Variants in CADPS2 observed in about 807,000 individuals in gnomAD.
The protein encoded by CADPS2 is calcium dependent secretion activator 2, also known as calcium-dependent secretion activator 2.
A neutral mutation model predicts 172.5 loss-of-function variants in CADPS2; 93 were observed. That is an observed-to-expected ratio of 0.54 (90% confidence interval 0.46 to 0.64). CADPS2 has a LOEUF of 0.64. Among genes scored for constraint, CADPS2 ranks in the 30% least tolerant of loss-of-function variants. The pLI is 0.00. For missense variants in CADPS2, 1,420 were observed against 1,565.9 expected, an observed-to-expected ratio of 0.91 and a Z score of 1.57; for synonymous variants, 546 against 555.2, an observed-to-expected ratio of 0.98 and a Z score of 0.23.
At chr7:122,830,249 C>T (rs1185278925) in intron 1 of CADPS2, among the ~76,000 whole-genome samples, 1 of 152,004 alleles carries the variant, frequency 6.6e-6, no homozygotes, top group Non-Finnish European at 1.5e-5. Flanking sequence ...TGTCTGGCTG[C>T]AAGATAAAAA....
At chr7:122,371,164 G>A (rs967456076) in intron 25 of CADPS2, among the ~76,000 whole-genome samples, 4 of 152,120 alleles carry the variant, frequency 2.6e-5, no homozygotes, top group African/African-American at 9.7e-5. Flanking sequence ...AGGGAATAAG[G>A]AATGCCTACA....
intron 1 of CADPS2, among the ~76,000 whole-genome samples, chr7:122,807,039 A>G (rs532575152): frequency 6.6e-6 from 1 of 152,328 alleles, no homozygotes; most frequent in East Asian, 1.9e-4. Flanking sequence ...GGGATACTGT[A>G]AGGACAGAGC....
intron 6 of CADPS2, among the ~76,000 whole-genome samples, chr7:122,611,155 A>T (rs1039418803): frequency 6.6e-6 from 1 of 152,128 alleles, no homozygotes; most frequent in Non-Finnish European, 1.5e-5. Flanking sequence ...CACCTAACAC[A>T]CTGTAAAAAT....
rs770513017 is a variant in CADPS2, at chr7:122,621,604, T to A, written c.981A>T (p.Lys327Asn). The change falls in exon 5 of 30, where the codon AAA becomes AAT. Residue 327 changes from lysine (K) to asparagine (N), a missense_variant. Coordinates refer to ENST00000449022, the MANE Select transcript of CADPS2 (RefSeq NM_017954.11). ...TTTGTAATTTAAATTCCGGACCACC[T>A]TTCGAAACTGGAAGACTTTCCAAAT... ...MANLESLPVS[K>N]GGPEFKLQKL... 1.9e-6 allele frequency: 3 copies of A among 1,613,826 alleles called. No homozygotes were observed. In the South Asian group the frequency reaches 3.3e-5, roughly 18 times the overall value.
Position 122,451,390 on chromosome 7 carries a change from GA to G in CADPS2, c.2271del (p.Gln758ArgfsTer2). 2 of 1,521,690 alleles carry G rather than the reference GA, an allele frequency of 1.3e-6. No individual in the cohort carries two copies. Among genetic ancestry groups the G allele is most frequent in the Non-Finnish European group, 1.8e-6 (2 of 1,126,194 alleles). The allele number at this position is 1,521,690 out of a possible 1,614,324, so 94.3% of individuals were successfully genotyped here. Reference sequence around the variant, plus strand: ...AATATATACCTGAAATGGCTTATCTGATTTTCTAAAAGGGAAGAGAGTCTCT... The same window carrying G: ...AATATATACCTGAAATGGCTTATCTGTTTTCTAAAAGGGAAGAGAGTCTCT... ...IKERLSSLLE[N>X]QISHFRYCFP... On this transcript the variant is annotated frameshift_variant, in exon 15 of 30. Transcript: ENST00000449022. LOFTEE classifies it high-confidence loss of function.
At chr7:122,645,183 T>C (rs537264830) in intron 3 of CADPS2, among the ~76,000 whole-genome samples, 9 of 148,400 alleles carry the variant, frequency 6.1e-5, no homozygotes, top group Non-Finnish European at 1.2e-4. Context: ...ATATATTAAG[T>C]ATATATATAC....
intron 11 of CADPS2, among the ~76,000 whole-genome samples, chr7:122,485,291 G>T (rs968784381): frequency 2.2e-4 from 34 of 152,188 alleles, no homozygotes; most frequent in South Asian, 2.1e-4. Flanking sequence ...GGCTGAAAGC[G>T]AGGCCTTTTG....
intron 7 of CADPS2, among the ~76,000 whole-genome samples, chr7:122,575,567 G>C (rs537850164): frequency 2.6e-4 from 40 of 151,806 alleles, no homozygotes; most frequent in African/African-American, 9.2e-4. Context: ...CTCCCAAGTA[G>C]GTGGGATTAC....
chr7:122,842,561 T>C (rs979569062), intron 1 of CADPS2, among the ~76,000 whole-genome samples: 3 of 152,192 alleles, frequency 2.0e-5, no homozygotes, highest in Admixed American at 2.0e-4. Flanking sequence ...ACCAACAATA[T>C]GATAATACAG....
chr7:122,687,366 G>A (rs2083769776), intron 2 of CADPS2, among the ~76,000 whole-genome samples: 1 of 152,134 alleles, frequency 6.6e-6, no homozygotes, highest in Non-Finnish European at 1.5e-5. Flanking sequence ...AGCCCTTAAA[G>A]CTGGACTCAT....
rs533139588 is a variant in CADPS2, at chr7:122,767,566, C to T, written c.340-30498G>A. On this transcript the variant is annotated intron_variant, in intron 1 of 29. Coordinates refer to ENST00000449022, the MANE Select transcript of CADPS2 (RefSeq NM_017954.11). ...AGTCAATAGTTGAGAGGCATTCAAA[C>T]GCATACAGTTAGACCAACAAAGGCC... Among the ~76,000 whole-genome samples, 41 of 152,210 alleles carry T rather than the reference C, an allele frequency of 2.7e-4. No homozygotes were observed. In the South Asian group the frequency reaches 5.4e-3, roughly 20 times the overall value.
intron 1 of CADPS2, among the ~76,000 whole-genome samples, chr7:122,834,964 C>T (rs749542961): frequency 6.6e-6 from 1 of 152,326 alleles, no homozygotes; most frequent in African/African-American, 2.4e-5. Context: ...AGTTTGAGAA[C>T]TGAGAACGGA....
chr7:122,863,291 T>C (rs1036578502), intron 1 of CADPS2, among the ~76,000 whole-genome samples: 6 of 152,200 alleles, frequency 3.9e-5, no homozygotes, highest in African/African-American at 1.4e-4. Flanking sequence ...ATTTTATAAG[T>C]AAATAATTAT....
At chr7:122,355,612 C>T (rs547280219) in intron 27 of CADPS2, among the ~76,000 whole-genome samples, 22 of 151,738 alleles carry the variant, frequency 1.4e-4, no homozygotes, top group Middle Eastern at 3.4e-3. Context: ...CGACAAGTGA[C>T]GGTATTATAA....
chr7:122,474,627 AT>A, intron 12 of CADPS2, 110 bp from the exon 13 acceptor site: 1 of 970,352 alleles, frequency 1.0e-6, no homozygotes, highest in Non-Finnish European at 1.5e-6. Flanking sequence ...ACTACCTTTT[AT>A]CACATGAAAT....
intron 2 of CADPS2, among the ~76,000 whole-genome samples, chr7:122,733,339 C>A (rs2091862729): frequency 6.6e-6 from 1 of 151,716 alleles, no homozygotes; most frequent in Non-Finnish European, 1.5e-5. Context: ...ACTGCAATAC[C>A]CATTCACTCA....
At chr7:122,625,101 A>G (rs1480041026) in intron 4 of CADPS2, among the ~76,000 whole-genome samples, 1 of 151,802 alleles carries the variant, frequency 6.6e-6, no homozygotes, top group Non-Finnish European at 1.5e-5. Flanking sequence ...CCCAAGCTGG[A>G]GTGCAATGGC....
chr7:122,709,487 A>C (rs2088279663), intron 2 of CADPS2, among the ~76,000 whole-genome samples: 1 of 152,032 alleles, frequency 6.6e-6, no homozygotes, highest in African/African-American at 2.4e-5. Context: ...ACCATTGTGG[A>C]AGCCAGTGCA....
chr7:122,755,619 T>C (rs987645560), intron 1 of CADPS2, among the ~76,000 whole-genome samples: 3 of 151,954 alleles, frequency 2.0e-5, no homozygotes, highest in Non-Finnish European at 2.9e-5. Flanking sequence ...TTAAAAATGG[T>C]CCTATTTTAA....
Sources: allele counts gnomAD v4.1 joint callset (sites outside exome capture counted in the v4.1 genomes callset), GRCh38; gene constraint gnomAD v4.1.1; transcripts MANE v1.5; gene names NCBI Gene and HGNC (gene_info 2026-07-23, HGNC 2026-07-21).